CALN1: variants seen among roughly 807,000 people sequenced by gnomAD.
CALN1 encodes calcium-binding protein 8.
Under a neutral mutation model 30.6 loss-of-function variants are expected in CALN1, and 17 were observed. The ratio of observed to expected loss-of-function variants is 0.56; its 90% confidence interval spans 0.38 to 0.83. CALN1 has a LOEUF of 0.83. CALN1 is among the 40% of genes least tolerant of loss of function. CALN1 has a pLI of 0.00. For synonymous variants in CALN1, 156 were observed against 131.4 expected (o/e 1.19, Z -1.28); for missense variants, 291 against 354.9 (o/e 0.82, Z 1.45).
At chr7:71,808,914 C>T (rs1344997731) in intron 6 of CALN1, among the ~76,000 whole-genome samples, 1 of 152,120 alleles carries the variant, frequency 6.6e-6, no homozygotes. Context: ...CTCCTCACCC[C>T]TCCTCACCCT....
intron 5 of CALN1, among the ~76,000 whole-genome samples, chr7:71,894,148 T>C (rs985249261): frequency 4.6e-5 from 7 of 152,242 alleles, no homozygotes; most frequent in African/African-American, 1.4e-4. Flanking sequence ...TAGTGATTTT[T>C]AGTGCTTCCT....
chr7:72,051,739 C>A (rs1376874051), intron 4 of CALN1, among the ~76,000 whole-genome samples: 7 of 152,074 alleles, frequency 4.6e-5, no homozygotes, highest in Non-Finnish European at 1.0e-4. Context: ...AACTTGAGTA[C>A]AATTTAATAC....
intron 5 of CALN1, among the ~76,000 whole-genome samples, chr7:72,007,471 C>T (rs1584731308): frequency 6.6e-6 from 1 of 152,146 alleles, no homozygotes; most frequent in Non-Finnish European, 1.5e-5. Context: ...CACTTGAACC[C>T]AGGAGGCAGA....
At position 72,043,670 on chromosome 7, in the gene CALN1, T is replaced by C. The variant is rs187394161; in HGVS notation, c.389-19901A>G. Among the ~76,000 whole-genome samples the C allele has an allele frequency of 1.5e-3, 221 of 152,014 alleles. 1 individual carries two copies. The highest frequency in any genetic ancestry group is 1.2e-3 in the Non-Finnish European group (82 of 67,972). On this transcript the variant is annotated intron_variant, in intron 4 of 6. Coordinates refer to ENST00000395275, the MANE Select transcript of CALN1 (RefSeq NM_031468.4). ...GCTTTGGTCCCAGCCACTCTGGAGG[T>C]CGAGGCAGAAGGATCGCTTGAGCCC...
At chr7:71,831,252 A>AGGT (rs1195358029) in intron 5 of CALN1, among the ~76,000 whole-genome samples, 1 of 152,158 alleles carries the variant, frequency 6.6e-6, no homozygotes, top group African/African-American at 2.4e-5. Flanking sequence ...AGGCCGAGGC[A>AGGT]GGTGGATCAT....
chr7:72,200,778 C>G (rs1791364484), intron 3 of CALN1, among the ~76,000 whole-genome samples: 1 of 152,150 alleles, frequency 6.6e-6, no homozygotes, highest in Non-Finnish European at 1.5e-5. Context: ...AAGAACCAGA[C>G]AGTGGGAAAA....
intron 1 of CALN1, among the ~76,000 whole-genome samples, chr7:72,441,706 A>G (rs1184268218): frequency 6.6e-6 from 1 of 151,958 alleles, no homozygotes; most frequent in African/African-American, 2.4e-5. Context: ...TTGAACAAGG[A>G]AGAAGGAAGC....
At chr7:72,260,093 G>A (rs1368428289) in intron 3 of CALN1, among the ~76,000 whole-genome samples, 1 of 152,190 alleles carries the variant, frequency 6.6e-6, no homozygotes, top group Non-Finnish European at 1.5e-5. Context: ...TTAGCTGAGT[G>A]TGATGGCACA....
chr7:72,419,386 C>G (rs572980671), intron 1 of CALN1, among the ~76,000 whole-genome samples: 1 of 152,226 alleles, frequency 6.6e-6, no homozygotes, highest in East Asian at 1.9e-4. Flanking sequence ...TTTGATAACC[C>G]ATGGAATCTT....
the CALN1 span, among the ~76,000 whole-genome samples, chr7:72,459,847 T>A: frequency 1.3e-5 from 2 of 152,150 alleles, no homozygotes; most frequent in Non-Finnish European, 2.9e-5. Flanking sequence ...CAAAGTCCAG[T>A]CTCCAACCTA....
intron 2 of CALN1, among the ~76,000 whole-genome samples, chr7:72,340,509 C>CT (rs1802329964): frequency 6.6e-6 from 1 of 152,240 alleles, no homozygotes; most frequent in Non-Finnish European, 1.5e-5. Context: ...GTGGTTGGGA[C>CT]TTAAGCATGA....
At chr7:72,259,600 A>C (rs1362312463) in intron 3 of CALN1, among the ~76,000 whole-genome samples, 2 of 152,148 alleles carry the variant, frequency 1.3e-5, no homozygotes, top group African/African-American at 4.8e-5. Flanking sequence ...ACCAATTATG[A>C]GTTGTGTGAC....
chr7:72,192,585 C>T (rs1371638133), intron 3 of CALN1, among the ~76,000 whole-genome samples: 3 of 151,658 alleles, frequency 2.0e-5, no homozygotes, highest in Non-Finnish European at 2.9e-5. Context: ...TTTTAGGACC[C>T]GCTAAAATAC....
intron 2 of CALN1, among the ~76,000 whole-genome samples, chr7:72,363,724 C>CTTT (rs66989275): frequency 7.7e-4 from 86 of 111,824 alleles, no homozygotes; most frequent in Middle Eastern, 5.1e-3. Flanking sequence ...TTAAAAAAAA[C>CTTT]TTTTTTTTTT....
chr7:72,168,809 T>TA (rs975466699), intron 3 of CALN1, among the ~76,000 whole-genome samples: 285 of 144,762 alleles, frequency 2.0e-3, no homozygotes, highest in East Asian at 5.3e-3. Context: ...ATTATTATTT[T>TA]TTTTTTTTTT....
Position 71,988,721 on chromosome 7 carries a change from G to A in CALN1, c.501+34936C>T, listed in dbSNP as rs73703429. On this transcript the variant is annotated intron_variant, in intron 5 of 6. Transcript: ENST00000395275. ...GATCCAGGCACAGACGCTGACCCGG[G>A]CCATCGATCAGAGCTGGTTCACAAG... is the stretch of plus-strand genomic sequence containing the variant. 9.7e-3 allele frequency among the ~76,000 whole-genome samples: 1,482 copies of A among 152,274 alleles called. 19 individuals carry two copies. Among genetic ancestry groups the A allele is most frequent in the African/African-American group, 0.033 (1,369 of 41,542 alleles).
chr7:71,874,891 A>G (rs536877784), intron 5 of CALN1, among the ~76,000 whole-genome samples: 1 of 152,052 alleles, frequency 6.6e-6, no homozygotes, highest in African/African-American at 2.4e-5. Context: ...ATGGCTGGGT[A>G]CTGTGATCCA....
intron 5 of CALN1, among the ~76,000 whole-genome samples, chr7:71,937,936 T>C (rs1795929441): frequency 6.6e-6 from 1 of 152,052 alleles, no homozygotes; most frequent in Non-Finnish European, 1.5e-5. Flanking sequence ...AACCACATCA[T>C]TTTTATCTCT....
chr7:72,275,108 A>C (rs1256530459), intron 3 of CALN1, among the ~76,000 whole-genome samples: 1 of 152,094 alleles, frequency 6.6e-6, no homozygotes, highest in Non-Finnish European at 1.5e-5. Flanking sequence ...ATTCACAAGC[A>C]GAAGGCTGCA....
Sources: gnomAD v4.1 joint callset for allele counts (sites outside exome capture counted in the v4.1 genomes callset) on GRCh38, gnomAD v4.1.1 for gene constraint, MANE v1.5 for transcripts, NCBI Gene and HGNC (gene_info 2026-07-23, HGNC 2026-07-21) for gene names.